LRRC4C: variants seen among roughly 807,000 people sequenced by gnomAD.
LRRC4C encodes leucine rich repeat containing 4C, also known as leucine-rich repeat-containing protein 4C.
Under a neutral mutation model 33.6 loss-of-function variants are expected in LRRC4C, and 5 were observed. The ratio of observed to expected loss-of-function variants is 0.15; its 90% CI spans 0.08 to 0.31. LRRC4C has a LOEUF of 0.31. LRRC4C is among the 10% of genes least tolerant of loss of function. The pLI, the probability that LRRC4C is intolerant of heterozygous loss-of-function variation, is 1.00. For missense variants in LRRC4C, 560 were observed against 796.7 expected, an observed-to-expected ratio of 0.70 and a Z score of 3.58; for synonymous variants, 329 against 302.0, an observed-to-expected ratio of 1.09 and a Z score of -0.93.
intron 2 of LRRC4C, among the ~76,000 whole-genome samples, chr11:40,658,526 T>C (rs1035595143): frequency 2.6e-5 from 4 of 152,282 alleles, no homozygotes; most frequent in African/African-American, 9.6e-5. Context: ...ATCTGCCTTT[T>C]CAAGGAGTTT....
At chr11:40,759,618 C>T (rs1949107312) in intron 2 of LRRC4C, among the ~76,000 whole-genome samples, 1 of 151,804 alleles carries the variant, frequency 6.6e-6, no homozygotes, top group Non-Finnish European at 1.5e-5. Flanking sequence ...CACATTGTAC[C>T]CTAGCCTATT....
At chr11:41,037,912 T>G (rs1445528950) in intron 1 of LRRC4C, among the ~76,000 whole-genome samples, 1 of 152,230 alleles carries the variant, frequency 6.6e-6, no homozygotes, top group Non-Finnish European at 1.5e-5. Flanking sequence ...CCACATTTAT[T>G]TCCTCCTTTT....
intron 3 of LRRC4C, among the ~76,000 whole-genome samples, chr11:40,589,606 T>C (rs1307470141): frequency 7.9e-5 from 12 of 152,060 alleles, no homozygotes; most frequent in Admixed American, 4.6e-4. Flanking sequence ...GATTTTGCAG[T>C]GGCTGGTACC....
chr11:40,333,127 C>T (rs1946435467), intron 3 of LRRC4C, among the ~76,000 whole-genome samples: 1 of 151,936 alleles, frequency 6.6e-6, no homozygotes, highest in Admixed American at 6.6e-5. Context: ...TGAAGGCCAC[C>T]AAAAATATCT....
chr11:41,177,756 T>C (rs1945269188), intron 1 of LRRC4C, among the ~76,000 whole-genome samples: 1 of 152,192 alleles, frequency 6.6e-6, no homozygotes, highest in Non-Finnish European at 1.5e-5. Flanking sequence ...GTCATTTTTC[T>C]CCAGAAGTAT....
chr11:40,203,076 T>C (rs1235711032), intron 5 of LRRC4C, among the ~76,000 whole-genome samples: 1 of 152,204 alleles, frequency 6.6e-6, no homozygotes, highest in Non-Finnish European at 1.5e-5. Flanking sequence ...CTAGCCACTG[T>C]AATATTTGAA....
chr11:41,001,034 A>T (rs1299254588), intron 1 of LRRC4C, among the ~76,000 whole-genome samples: 1 of 152,170 alleles, frequency 6.6e-6, no homozygotes, highest in Admixed American at 6.6e-5. Context: ...AGAAAAATAA[A>T]TTATATGAAA....
At chr11:41,111,909 T>C (rs1040248032) in intron 1 of LRRC4C, among the ~76,000 whole-genome samples, 2 of 152,070 alleles carry the variant, frequency 1.3e-5, no homozygotes, top group African/African-American at 2.4e-5. Context: ...CAGTATTTTC[T>C]ATCAGAGATT....
intron 1 of LRRC4C, among the ~76,000 whole-genome samples, chr11:40,943,200 CTAGGTACTGT>C (rs977869840): frequency 6.6e-6 from 1 of 152,162 alleles, no homozygotes; most frequent in African/African-American, 2.4e-5. Context: ...TAACTAAAGG[CTAGGTACTGT>C]TAGGTGATTT....
At chr11:41,215,527 G>A (rs1034559426) in intron 1 of LRRC4C, among the ~76,000 whole-genome samples, 18 of 148,826 alleles carry the variant, frequency 1.2e-4, no homozygotes, top group African/African-American at 4.5e-4. Context: ...CCACATTGAC[G>A]ATGTTTCCAC....
rs186943451 is a variant in LRRC4C, at chr11:40,731,038, G to A, written c.-406-82760C>T. On this transcript the variant is annotated intron_variant, in intron 2 of 6. Transcript: ENST00000528697. ...TTTGGTTGTTTAAAAGTGTGTGGCC[G>A]TCCGGGCGTGGTGGCTCACGCCTGT... 2.0e-3 allele frequency among the ~76,000 whole-genome samples: 304 copies of A among 151,992 alleles called. 2 individuals carry two copies. The highest frequency in any genetic ancestry group is 7.0e-3 in the African/African-American group (289 of 41,500).
chr11:41,230,227 C>T (rs1406021946), intron 1 of LRRC4C, among the ~76,000 whole-genome samples: 1 of 152,088 alleles, frequency 6.6e-6, no homozygotes, highest in East Asian at 1.9e-4. Context: ...CATTGTGAAC[C>T]TGTTTTATGG....
intron 3 of LRRC4C, among the ~76,000 whole-genome samples, chr11:40,635,479 G>A (rs1963867086): frequency 1.3e-5 from 2 of 151,994 alleles, no homozygotes; most frequent in Non-Finnish European, 2.9e-5. Flanking sequence ...CATACACACA[G>A]ACACATAGAC....
chr11:40,884,858 T>A (rs1427194169), intron 2 of LRRC4C, among the ~76,000 whole-genome samples: 2 of 152,124 alleles, frequency 1.3e-5, no homozygotes, highest in East Asian at 3.8e-4. Flanking sequence ...GAGGCCATTA[T>A]CTGAAGTAAA....
chr11:40,308,290 G>T (rs1171493423), intron 4 of LRRC4C, among the ~76,000 whole-genome samples: 1 of 152,182 alleles, frequency 6.6e-6, no homozygotes, highest in Non-Finnish European at 1.5e-5. Context: ...GGCCGCTGAT[G>T]CAGTTGTGAT....
At chr11:40,269,718 G>T (rs947296647) in intron 4 of LRRC4C, among the ~76,000 whole-genome samples, 1 of 145,810 alleles carries the variant, frequency 6.9e-6, no homozygotes, top group Non-Finnish European at 1.5e-5. Context: ...GCAATATATA[G>T]TCTGATTTTG....
At chr11:41,155,026 C>G (rs1316144057) in intron 1 of LRRC4C, among the ~76,000 whole-genome samples, 3 of 152,072 alleles carry the variant, frequency 2.0e-5, no homozygotes, top group Non-Finnish European at 4.4e-5. Flanking sequence ...AATTATTTAA[C>G]TGGTTTGTAT....
chr11:40,320,302 G>A (rs1222420687), intron 3 of LRRC4C, among the ~76,000 whole-genome samples: 1 of 152,052 alleles, frequency 6.6e-6, no homozygotes, highest in African/African-American at 2.4e-5. Flanking sequence ...TCAGGAGATC[G>A]AGACCATCCT....
intron 2 of LRRC4C, among the ~76,000 whole-genome samples, chr11:40,666,290 A>G (rs1943807106): frequency 2.0e-5 from 3 of 152,180 alleles, no homozygotes; most frequent in Admixed American, 2.0e-4. Flanking sequence ...ACATATTTTT[A>G]TAGGTACATT....
Sources: allele counts gnomAD v4.1 joint callset (sites outside exome capture counted in the v4.1 genomes callset), GRCh38; gene constraint gnomAD v4.1.1; transcripts MANE v1.5; gene names NCBI Gene and HGNC (gene_info 2026-07-23, HGNC 2026-07-21).